Variants in GRIN2B observed in about 807,000 individuals in gnomAD.
GRIN2B encodes glutamate receptor ionotropic, NMDA 2B.
In GRIN2B, 5 loss-of-function variants were observed where a neutral mutation model predicts 114.5. The ratio of observed to expected loss-of-function variants is 0.04; its 90% CI spans 0.02 to 0.09. GRIN2B has a LOEUF of 0.09. Ranked by LOEUF, GRIN2B falls within the 10% of genes least tolerant of loss-of-function variation. The pLI is 1.00. For synonymous variants in GRIN2B, 787 were observed against 745.1 expected (o/e 1.06, Z -0.92); for missense variants, 1,108 against 1,943.5 (o/e 0.57, Z 8.08).
At chr12:13,911,094 T>G (rs1866620676) in intron 2 of GRIN2B, among the ~76,000 whole-genome samples, 1 of 152,132 alleles carries the variant, frequency 6.6e-6, no homozygotes, top group African/African-American at 2.4e-5. Flanking sequence ...CTGTCGCACC[T>G]ACTACCATAG....
At chr12:13,736,548 T>C (rs1208842796) in intron 4 of GRIN2B, among the ~76,000 whole-genome samples, 1 of 152,166 alleles carries the variant, frequency 6.6e-6, no homozygotes, top group African/African-American at 2.4e-5. Context: ...AACTCAGTAT[T>C]GCTTTGTGTG....
intron 2 of GRIN2B, among the ~76,000 whole-genome samples, chr12:13,913,557 G>A (rs764703184): frequency 1.3e-5 from 2 of 152,194 alleles, no homozygotes; most frequent in Non-Finnish European, 2.9e-5. Flanking sequence ...TCTGAAAATT[G>A]AATAGTTACA....
At chr12:13,886,232 G>T (rs1866154250) in intron 2 of GRIN2B, among the ~76,000 whole-genome samples, 1 of 152,182 alleles carries the variant, frequency 6.6e-6, no homozygotes, top group Non-Finnish European at 1.5e-5. Context: ...GTACTGGTTT[G>T]ATGTTCAATG....
chr12:13,541,118 T>C lies in GRIN2B; in HGVS notation c.*21665A>G, dbSNP rs1948273697. On this transcript the variant is annotated 3_prime_UTR_variant, in exon 14 of 14. Coordinates refer to ENST00000609686, the MANE Select transcript of GRIN2B (RefSeq NM_000834.5). ...TGTTGGAGCACTGGCTCCTGTCACG[T>C]GGAGGAAAAGAGATTTCCCCTAGGG... is the stretch of plus-strand genomic sequence containing the variant. 2 of 152,246 alleles carry C rather than the reference T, an allele frequency of 1.3e-5. No individual in the cohort carries two copies. The highest frequency in any genetic ancestry group is 4.1e-4 in the South Asian group (2 of 4,830). The allele number at this position is 152,246 out of a possible 1,614,324, so 9.4% of individuals were successfully genotyped here.
At chr12:13,794,038 CAAA>C (rs59335663) in intron 3 of GRIN2B, among the ~76,000 whole-genome samples, 12,260 of 79,712 alleles carry the variant, frequency 0.15, 451 homozygotes, top group Middle Eastern at 0.21. Flanking sequence ...CCCATCTCTA[CAAA>C]AAAAAAAAAA....
At chr12:13,672,436 G>C (rs2136537568) in intron 5 of GRIN2B, among the ~76,000 whole-genome samples, 1 of 152,204 alleles carries the variant, frequency 6.6e-6, no homozygotes, top group African/African-American at 2.4e-5. Context: ...AATCCTCCCT[G>C]GACCAAGGGG....
chr12:13,738,839 C>G (rs138370606), intron 4 of GRIN2B, among the ~76,000 whole-genome samples: 1 of 152,186 alleles, frequency 6.6e-6, no homozygotes, highest in Non-Finnish European at 1.5e-5. Flanking sequence ...GGCCCTTACC[C>G]TCTTCCAGTG....
intron 5 of GRIN2B, among the ~76,000 whole-genome samples, chr12:13,641,787 CCTT>C (rs1261522166): frequency 6.6e-6 from 1 of 152,126 alleles, no homozygotes; most frequent in Admixed American, 6.6e-5. Context: ...ATATAGGCCT[CCTT>C]CTTCAGCATC....
intron 5 of GRIN2B, among the ~76,000 whole-genome samples, chr12:13,621,612 TG>T (rs1468597753): frequency 0.029 from 3,279 of 112,286 alleles, 391 homozygotes; most frequent in African/African-American, 0.06. Context: ...GCCTAGTTTT[TG>T]TTTTTTTTTT....
chr12:13,821,852 C>T (rs143400042), intron 3 of GRIN2B, among the ~76,000 whole-genome samples: 182 of 152,246 alleles, frequency 1.2e-3, no homozygotes, highest in African/African-American at 4.0e-3. Context: ...AAACTTAAAG[C>T]GAAGAAAATA....
intron 4 of GRIN2B, among the ~76,000 whole-genome samples, chr12:13,736,135 C>CA (rs1221798195): frequency 2.7e-4 from 1 of 3,760 alleles, no homozygotes; most frequent in Non-Finnish European, 6.1e-4. Context: ...CATAGAAAAG[C>CA]GGGGGGGGGG....
chr12:13,884,121 A>G (rs1196773675), intron 2 of GRIN2B, among the ~76,000 whole-genome samples: 1 of 152,102 alleles, frequency 6.6e-6, no homozygotes, highest in Non-Finnish European at 1.5e-5. Context: ...CTTTTATGCT[A>G]TTACCACACT....
intron 2 of GRIN2B, among the ~76,000 whole-genome samples, chr12:13,891,160 A>G (rs1385046611): frequency 6.6e-6 from 1 of 152,208 alleles, no homozygotes; most frequent in East Asian, 1.9e-4. Context: ...TACACTATTT[A>G]TTTTACATAC....
At chr12:13,947,972 G>A (rs1867393583) in intron 2 of GRIN2B, among the ~76,000 whole-genome samples, 1 of 152,078 alleles carries the variant, frequency 6.6e-6, no homozygotes, top group South Asian at 2.1e-4. Context: ...ACTCTCCTCA[G>A]GACCTCTCCA....
intron 4 of GRIN2B, among the ~76,000 whole-genome samples, chr12:13,749,402 T>C (rs1224233773): frequency 6.6e-6 from 1 of 152,210 alleles, no homozygotes; most frequent in Non-Finnish European, 1.5e-5. Context: ...TACTGCCTTT[T>C]CAGAAGGTGA....
chr12:13,846,674 G>A lies in GRIN2B; in HGVS notation c.411+19124C>T, dbSNP rs114816504. On this transcript the variant is annotated intron_variant, in intron 3 of 13. Coordinates refer to ENST00000609686, the MANE Select transcript of GRIN2B (RefSeq NM_000834.5). ...ATAAATAAGAATTGCACATTCCCCC[G>A]GAAGCCACGAAGGGCCCAGAAACAG... 9.8e-3 allele frequency among the ~76,000 whole-genome samples: 1,487 copies of A among 152,230 alleles called. 24 individuals carry two copies. The highest frequency in any genetic ancestry group is 0.033 in the African/African-American group (1,368 of 41,536).
intron 3 of GRIN2B, among the ~76,000 whole-genome samples, chr12:13,816,040 A>C (rs1305955507): frequency 6.6e-6 from 1 of 152,214 alleles, no homozygotes; most frequent in African/African-American, 2.4e-5. Context: ...GATATACTTG[A>C]GAGGCATTTG....
At chr12:13,894,602 AT>A (rs1009498067) in intron 2 of GRIN2B, among the ~76,000 whole-genome samples, 3 of 151,858 alleles carry the variant, frequency 2.0e-5, no homozygotes, top group South Asian at 2.1e-4. Flanking sequence ...CAACTTTTCT[AT>A]TTTTTTTCCA....
chr12:13,544,512 A>T lies in GRIN2B; in HGVS notation c.*18271T>A, dbSNP rs1258243222. 1 of 152,126 alleles carries T rather than the reference A, an allele frequency of 6.6e-6. No individual in the cohort carries two copies. The highest frequency in any genetic ancestry group is 2.4e-5 in the African/African-American group (1 of 41,430). 9.4% of individuals were successfully genotyped at this position (152,126 alleles called of 1,614,324 possible). A position where few individuals can be genotyped will look rare whatever the true frequency, so the allele number is the denominator to read the frequency against. On this transcript the variant is annotated 3_prime_UTR_variant, in exon 14 of 14. Transcript: ENST00000609686. ...AGGCTATACATTTTCCCTGAACTCC[A>T]GGTCCATATATCTAATTGCCTAATC...
Sources: gnomAD v4.1 joint callset for allele counts (sites outside exome capture counted in the v4.1 genomes callset) on GRCh38, gnomAD v4.1.1 for gene constraint, MANE v1.5 for transcripts, NCBI Gene and HGNC (gene_info 2026-07-23, HGNC 2026-07-21) for gene names.